Variants in VCL observed in about 807,000 individuals in gnomAD.
VCL encodes the protein vinculin.
VCL carries 47 observed loss-of-function variants against 125.7 expected under a neutral mutation model. The ratio of observed to expected loss-of-function variants is 0.37; its 90% CI spans 0.30 to 0.48. The LOEUF is 0.48. VCL is among the 20% of genes least tolerant of loss of function. VCL has a pLI of 0.99. For synonymous variants in VCL, 458 were observed against 514.6 expected, an observed-to-expected ratio of 0.89 and a Z score of 1.49; for missense variants, 1,069 against 1,455.5, an observed-to-expected ratio of 0.73 and a Z score of 4.32.
rs1336672247 is a variant in VCL, at chr10:74,118,177, G to A, written c.*8G>A. 8.1e-6 allele frequency: 13 copies of A among 1,613,934 alleles called. No homozygotes were observed. The highest frequency in any genetic ancestry group is 1.1e-5 in the Non-Finnish European group (13 of 1,179,992). ...ACTCCCTGGTACCAGTAGGCACCTG[G>A]CTGAGCCTGGCTGGCACAGAAACCT... On this transcript the variant is annotated 3_prime_UTR_variant, in exon 22 of 22. Coordinates refer to ENST00000211998, the MANE Select transcript of VCL (RefSeq NM_014000.3).
intron 1 of VCL, among the ~76,000 whole-genome samples, chr10:74,018,284 C>T (rs1397549192): frequency 6.7e-6 from 1 of 148,534 alleles, no homozygotes; most frequent in Non-Finnish European, 1.5e-5. Context: ...TCTTGAACTC[C>T]TGGGCTCATG....
chr10:74,086,773 C>T (rs1839782350), intron 8 of VCL, among the ~76,000 whole-genome samples: 2 of 152,204 alleles, frequency 1.3e-5, no homozygotes, highest in African/African-American at 4.8e-5. Context: ...AATATCCTTT[C>T]CTGATGAAAG....
At chr10:74,046,774 G>A (rs1841203201) in intron 2 of VCL, among the ~76,000 whole-genome samples, 1 of 152,172 alleles carries the variant, frequency 6.6e-6, no homozygotes, top group Admixed American at 6.5e-5. Context: ...TCTAGTCTAT[G>A]AATATGATTT....
chr10:74,112,190 A>C (rs537670900), intron 19 of VCL, 78 bp downstream of exon 19: 6 of 1,558,220 alleles, frequency 3.9e-6, no homozygotes, highest in African/African-American at 2.7e-5. Flanking sequence ...TGCATCACTC[A>C]TGATCTGTGC....
At chr10:74,017,047 T>C (rs1176151731) in intron 1 of VCL, among the ~76,000 whole-genome samples, 8 of 29,732 alleles carry the variant, frequency 2.7e-4, no homozygotes, top group Non-Finnish European at 5.4e-4. Context: ...ATTTCCTTCC[T>C]TTTTTTTTTT....
intron 2 of VCL, among the ~76,000 whole-genome samples, chr10:74,044,626 A>G (rs1198961328): frequency 2.6e-5 from 4 of 152,182 alleles, no homozygotes; most frequent in Non-Finnish European, 5.9e-5. Context: ...ACAACATGAC[A>G]TCAGTAAAGT....
chr10:74,098,682 G>C (rs184431917), intron 13 of VCL, among the ~76,000 whole-genome samples: 6 of 152,312 alleles, frequency 3.9e-5, no homozygotes, highest in Non-Finnish European at 8.8e-5. Context: ...GTTTGGGTCA[G>C]GTACCCAAGA....
intron 9 of VCL, 82 bp from the exon 10 acceptor site, chr10:74,089,941 C>A: frequency 1.8e-5 from 27 of 1,519,578 alleles, no homozygotes; most frequent in Non-Finnish European, 2.4e-5. Flanking sequence ...CTTTTGAAAT[C>A]CTTCTTCTGG....
At chr10:74,075,330 A>T (rs1346257950) in intron 6 of VCL, 2 of 169,316 alleles carry the variant, frequency 1.2e-5, no homozygotes, top group Admixed American at 5.7e-5. Context: ...ATCCAGAGAA[A>T]TCTACAGAGG....
chr10:74,107,334 C>T lies in VCL; in HGVS notation c.2539C>T (p.Pro847Ser), dbSNP rs372711612. The change falls in exon 17 of 22, where the codon CCA becomes TCA. Residue 847 changes from proline (P) to serine (S), a missense_variant. Around this residue, in one of 6 missense-constraint regions of VCL, gnomAD observed 760 missense variants for 928.9 expected, o/e 0.82. Coordinates refer to ENST00000211998, the MANE Select transcript of VCL (RefSeq NM_014000.3). ...GGAGCCTGACTTCCCGCCGCCTCCA[C>T]CAGACCTTGAACAACTCCGAGTAAG... is the stretch of plus-strand genomic sequence containing the variant. ...PQEPDFPPPP[P>S]DLEQLRLTDE... 1 of 1,614,078 alleles carries T rather than the reference C, an allele frequency of 6.2e-7. No homozygotes were observed. The highest frequency in any genetic ancestry group is 1.3e-5 in the African/African-American group (1 of 74,906).
chr10:74,007,818 T>G (rs1028511704), intron 1 of VCL, among the ~76,000 whole-genome samples: 2 of 151,180 alleles, frequency 1.3e-5, no homozygotes, highest in Admixed American at 1.3e-4. Context: ...TCCTTTTTTT[T>G]TGAGATGGAG....
In VCL at chr10:74,114,870, A is replaced by T; in HGVS notation, c.3229A>T (p.Thr1077Ser). 6.2e-7 allele frequency: 1 copy of T among 1,603,010 alleles called. No homozygotes were observed. The highest frequency in any genetic ancestry group is 8.5e-7 in the Non-Finnish European group (1 of 1,175,120). Residue 1077 changes from threonine to serine, a missense_variant, in exon 21 of 22, where the codon ACC (threonine) becomes TCC (serine). Transcript: ENST00000211998. The part of the protein sequence containing the change: ...STVKATMLGR[T>S]NISDEESEQA... ...AGTGAAGGCCACCATGCTGGGCCGG[A>T]CCAACATCAGTGATGAGGAGTCTGA...
At chr10:74,082,972 G>C (rs1054623112) in intron 7 of VCL, among the ~76,000 whole-genome samples, 2 of 152,144 alleles carry the variant, frequency 1.3e-5, no homozygotes, top group Non-Finnish European at 2.9e-5. Flanking sequence ...ACCCAAATAG[G>C]TTATTGAACT....
chr10:74,089,372 G>C (rs1469648928), intron 9 of VCL, 23 bp downstream of exon 9: 5 of 1,613,028 alleles, frequency 3.1e-6, no homozygotes, highest in East Asian at 2.2e-5. Flanking sequence ...ATTTTCAGGA[G>C]GGGTGGGAAA....
At chr10:74,072,195 A>G (rs1841671761) in intron 4 of VCL, among the ~76,000 whole-genome samples, 1 of 152,194 alleles carries the variant, frequency 6.6e-6, no homozygotes, top group Admixed American at 6.5e-5. Flanking sequence ...CATCCCTATA[A>G]TTATTTTTAT....
chr10:73,998,374 G>A lies in VCL; in HGVS notation c.167G>A (p.Arg56Gln), dbSNP rs1840155750. ...AVQAAVSNLV[R>Q]VGKETVQTTE... is the part of the protein sequence containing the mutation. ...CAGGCGGCCGTCAGCAACCTCGTCC[G>A]GGTGAGCGCGCAGGGCCTGGCGCGG... Residue 56 changes from arginine (R) to glutamine (Q), a missense_variant and splice_region_variant, in exon 1 of 22, where the codon CGG (arginine) becomes CAG (glutamine). Arg to Gln is a conservative substitution (Grantham distance 43, BLOSUM62 1). Coordinates refer to ENST00000211998, the MANE Select transcript of VCL (RefSeq NM_014000.3). 6.5e-7 allele frequency: 1 copy of A among 1,529,690 alleles called. No homozygotes were observed. The highest frequency in any genetic ancestry group is 8.8e-7 in the Non-Finnish European group (1 of 1,135,928). 94.8% of individuals were successfully genotyped at this position (1,529,690 alleles called of 1,614,324 possible). A position where few individuals can be genotyped will look rare whatever the true frequency, so the allele number is the denominator to read the frequency against.
rs536097772 is a variant in VCL at position 74,117,951 on chromosome 10, G to A, written c.3259-72G>A. 6.8e-6 allele frequency: 11 copies of A among 1,608,150 alleles called. No homozygotes were observed. The African/African-American group carries it at 1.3e-4, about 20-fold the overall frequency. ...GTGGGGTTAGCTGCATCCCACTCCT[G>A]GCTGAAACCTATTTTAGAGACAGGC... On this transcript the variant is annotated intron_variant, in intron 21 of 21. Transcript: ENST00000211998.
At chr10:74,079,761 A>G (rs1409805824) in intron 6 of VCL, among the ~76,000 whole-genome samples, 2 of 152,238 alleles carry the variant, frequency 1.3e-5, no homozygotes, top group Non-Finnish European at 2.9e-5. Context: ...AGATATGACT[A>G]ACATAAAATG....
At chr10:74,056,166 TG>T (rs1339676536) in intron 2 of VCL, among the ~76,000 whole-genome samples, 1 of 151,104 alleles carries the variant, frequency 6.6e-6, no homozygotes, top group Non-Finnish European at 1.5e-5. Flanking sequence ...AGTGAGCCTG[TG>T]GGTTTTGTGT....
Sources: allele counts gnomAD v4.1 joint callset (sites outside exome capture counted in the v4.1 genomes callset), GRCh38; gene constraint gnomAD v4.1.1; regional missense constraint gnomAD v4.1.1; transcripts MANE v1.5; gene names NCBI Gene and HGNC (gene_info 2026-07-23, HGNC 2026-07-21).